The following OSBPL10 variants were observed in gnomAD, a reference collection of about 807,000 sequenced individuals.
The protein encoded by OSBPL10 is oxysterol-binding protein-related protein 10.
Under a neutral mutation model 81.7 loss-of-function variants are expected in OSBPL10, and 49 were observed. That is an observed-to-expected ratio of 0.60 (90% CI 0.48 to 0.76). The LOEUF is 0.76. OSBPL10 is among the 30% of genes least tolerant of loss of function. The pLI is 0.00. For synonymous variants in OSBPL10, 419 were observed against 383.6 expected, an observed-to-expected ratio of 1.09 and a Z score of -1.08; for missense variants, 923 against 987.8, an observed-to-expected ratio of 0.93 and a Z score of 0.88.
chr3:32,070,274 T>C (rs987727158), intron 1 of OSBPL10, among the ~76,000 whole-genome samples: 3 of 152,194 alleles, frequency 2.0e-5, no homozygotes, highest in African/African-American at 7.2e-5. Flanking sequence ...TCAAAACCCC[T>C]TAAAACTACC....
intron 6 of OSBPL10, among the ~76,000 whole-genome samples, chr3:31,714,278 G>A (rs1696362308): frequency 6.6e-6 from 1 of 152,198 alleles, no homozygotes; most frequent in Admixed American, 6.5e-5. Context: ...AATCAGTGCA[G>A]GACATGGCCT....
chr3:31,888,981 C>G (rs7618972), intron 1 of OSBPL10, among the ~76,000 whole-genome samples: 110,972 of 152,000 alleles, frequency 0.73, 41,412 homozygotes, highest in African/African-American at 0.89. Flanking sequence ...ATTTTAAATT[C>G]ATCATTTAAA....
intron 3 of OSBPL10, among the ~76,000 whole-genome samples, chr3:31,841,612 C>T (rs1700500485): frequency 6.6e-6 from 1 of 152,186 alleles, no homozygotes; most frequent in Non-Finnish European, 1.5e-5. Flanking sequence ...TAGATGCTTT[C>T]AATATCCTCA....
At chr3:31,672,244 G>A (rs1376164426) in intron 8 of OSBPL10, among the ~76,000 whole-genome samples, 2 of 151,470 alleles carry the variant, frequency 1.3e-5, no homozygotes, top group Non-Finnish European at 2.9e-5. Flanking sequence ...AATGATTATC[G>A]TTTTAATAAG....
chr3:31,827,669 T>C (rs1483732762), intron 4 of OSBPL10, among the ~76,000 whole-genome samples: 1 of 152,034 alleles, frequency 6.6e-6, no homozygotes, highest in Non-Finnish European at 1.5e-5. Flanking sequence ...GATTGCTCTG[T>C]ATAGATTTTT....
intron 1 of OSBPL10, among the ~76,000 whole-genome samples, chr3:32,052,718 C>T (rs1699678175): frequency 6.6e-6 from 1 of 152,114 alleles, no homozygotes; most frequent in African/African-American, 2.4e-5. Flanking sequence ...AAACCAAACA[C>T]TGCATGTTCT....
intron 1 of OSBPL10, among the ~76,000 whole-genome samples, chr3:31,954,030 A>G (rs944305590): frequency 1.6e-4 from 25 of 152,228 alleles, no homozygotes; most frequent in African/African-American, 5.8e-4. Flanking sequence ...GACTGGTCCT[A>G]TAATTTCTAG....
chr3:31,936,160 T>A (rs1351435590), intron 1 of OSBPL10, among the ~76,000 whole-genome samples: 1 of 152,192 alleles, frequency 6.6e-6, no homozygotes, highest in Non-Finnish European at 1.5e-5. Flanking sequence ...ATTCTTTGCT[T>A]CAGCCTCTCA....
At position 31,867,789 on chromosome 3, in the gene OSBPL10, A is replaced by G. The variant is rs545931940; in HGVS notation, c.537+8644T>C. On this transcript the variant is annotated intron_variant, in intron 3 of 11. Transcript: ENST00000396556. ...AGGGAGGGAGGGAGGGAGGGAGGGA[A>G]ACAGACAGACAGAACAAGGGGTCAG... 6.9e-4 allele frequency among the ~76,000 whole-genome samples: 104 copies of G among 151,520 alleles called. No individual in the cohort carries two copies. The Middle Eastern group carries it at 0.01, about 15-fold the overall frequency.
chr3:31,817,742 C>T (rs1442111437), intron 4 of OSBPL10, among the ~76,000 whole-genome samples: 8 of 152,098 alleles, frequency 5.3e-5, no homozygotes, highest in East Asian at 1.9e-4. Context: ...CAGCAGCACC[C>T]GGGGAGCTCC....
chr3:31,791,348 T>G (rs1699003475), intron 4 of OSBPL10, among the ~76,000 whole-genome samples: 1 of 152,164 alleles, frequency 6.6e-6, no homozygotes, highest in Non-Finnish European at 1.5e-5. Flanking sequence ...AAAAGCAAAT[T>G]GGCCACAGTA....
chr3:31,771,698 C>T (rs894725685), intron 4 of OSBPL10, among the ~76,000 whole-genome samples: 2 of 152,126 alleles, frequency 1.3e-5, no homozygotes, highest in Non-Finnish European at 2.9e-5. Context: ...CTTCAGGACT[C>T]GGACCTTAAT....
chr3:31,809,502 G>A (rs974722318), intron 4 of OSBPL10, among the ~76,000 whole-genome samples: 9 of 152,146 alleles, frequency 5.9e-5, no homozygotes, highest in African/African-American at 2.2e-4. Flanking sequence ...CTTAAATAAT[G>A]TATAAATTTA....
intron 4 of OSBPL10, among the ~76,000 whole-genome samples, chr3:31,781,553 C>T (rs1698696019): frequency 6.6e-6 from 1 of 152,078 alleles, no homozygotes; most frequent in African/African-American, 2.4e-5. Context: ...ACCTAGGAAA[C>T]ACTAAAGACT....
intron 4 of OSBPL10, among the ~76,000 whole-genome samples, chr3:31,751,033 T>C (rs1697700239): frequency 2.6e-5 from 4 of 151,960 alleles, no homozygotes; most frequent in Admixed American, 2.6e-4. Context: ...AGGCCAGGCG[T>C]GGTGGTTCAC....
intron 1 of OSBPL10, among the ~76,000 whole-genome samples, chr3:31,908,722 C>T (rs1158612589): frequency 6.6e-6 from 1 of 152,158 alleles, no homozygotes; most frequent in Non-Finnish European, 1.5e-5. Flanking sequence ...GTTGTGTCGG[C>T]CAATTCCCTG....
At chr3:31,716,670 T>C (rs1380922049) in intron 6 of OSBPL10, among the ~76,000 whole-genome samples, 1 of 152,172 alleles carries the variant, frequency 6.6e-6, no homozygotes, top group East Asian at 1.9e-4. Flanking sequence ...CTGGCCTAGA[T>C]GCTAGGGGGA....
chr3:31,674,205 T>C (rs961587089), intron 8 of OSBPL10, among the ~76,000 whole-genome samples: 3 of 152,022 alleles, frequency 2.0e-5, no homozygotes, highest in Non-Finnish European at 1.5e-5. Context: ...CTAACAGTAA[T>C]GAGTGAGTGC....
chr3:31,965,185 T>C (rs756936023), intron 1 of OSBPL10, among the ~76,000 whole-genome samples: 26 of 151,050 alleles, frequency 1.7e-4, no homozygotes, highest in Admixed American at 5.3e-4. Flanking sequence ...CTGGCTAACA[T>C]GGTGAAATCC....
Sources: allele counts gnomAD v4.1 joint callset (sites outside exome capture counted in the v4.1 genomes callset), GRCh38; gene constraint gnomAD v4.1.1; transcripts MANE v1.5; gene names NCBI Gene and HGNC (gene_info 2026-07-23, HGNC 2026-07-21).